Variants in FBXO24 observed in about 807,000 individuals in gnomAD.
FBXO24 encodes F-box only protein 24.
Under a neutral mutation model 63.5 loss-of-function variants are expected in FBXO24, and 30 were observed. The observed-to-expected ratio is 0.47, with a 90% confidence interval of 0.35 to 0.64. The LOEUF (loss-of-function observed/expected upper bound fraction) is 0.64. FBXO24 is among the 30% of genes least tolerant of loss of function. FBXO24 has a pLI of 0.00. For missense variants in FBXO24, 624 were observed against 763.4 expected (o/e 0.82, Z 2.15); for synonymous variants, 300 against 305.0 (o/e 0.98, Z 0.17).
Position 100,594,609 on chromosome 7 carries a change from CACCCTTA to C in FBXO24, c.952+69_952+75del. 1 of 1,416,620 alleles carries C rather than the reference CACCCTTA, an allele frequency of 7.1e-7. No homozygotes were observed. Among genetic ancestry groups the C allele is most frequent in the East Asian group, 2.6e-5 (1 of 38,576 alleles). 87.8% of individuals were successfully genotyped at this position (1,416,620 alleles called of 1,614,324 possible). On this transcript the variant is annotated intron_variant, in intron 6 of 9. Transcript: ENST00000241071. The surrounding 1 kb of genome is among the most constrained non-coding windows in gnomAD (Gnocchi z 4.2). ...AGACCCTCTAAACATCAACACCCTT[CACCCTTA>C]CTCCAGCTGCATGGTGAACCCCTGA...
rs1562824001 is a variant in FBXO24 at position 100,600,708 on chromosome 7, G to A, written c.1552G>A (p.Ala518Thr). ...APQDPGGMAQACEEYLSQIHS... is the reference protein window; with the variant it reads ...APQDPGGMAQTCEEYLSQIHS... Reference sequence around the variant, plus strand: ...CCAGGACCCCGGGGGGATGGCCCAGGCCTGCGAGGAGTACCTCAGCCAGAT... The same window carrying A: ...CCAGGACCCCGGGGGGATGGCCCAGACCTGCGAGGAGTACCTCAGCCAGAT... The change falls in exon 10 of 10, where the codon GCC becomes ACC. Residue 518 changes from alanine to threonine, a missense_variant. Transcript: ENST00000241071. This position sits in a 1 kb window ranked among gnomAD's most constrained non-coding sequence, Gnocchi z 6.3. 1 of 1,614,204 alleles carries A rather than the reference G, an allele frequency of 6.2e-7. No homozygotes were observed. Among genetic ancestry groups the A allele is most frequent in the East Asian group, 2.2e-5 (1 of 44,884 alleles).
intron 5 of FBXO24, 107 bp downstream of exon 5, chr7:100,593,124 C>A: frequency 1.3e-6 from 1 of 795,456 alleles, no homozygotes. Flanking sequence ...CATATGCCAC[C>A]TTATCCTAGT....
At chr7:100,598,966 G>A (rs568617950) in intron 8 of FBXO24, among the ~76,000 whole-genome samples, 13 of 150,694 alleles carry the variant, frequency 8.6e-5, no homozygotes, top group African/African-American at 3.2e-4. Flanking sequence ...GCAACAGAGC[G>A]AGACTCCGTC....
At position 100,601,037 on chromosome 7, in the gene FBXO24, C is replaced by T; in HGVS notation, c.*138C>T. 7.7e-7 allele frequency: 1 copy of T among 1,300,510 alleles called. No individual in the cohort carries two copies. 80.6% of individuals were successfully genotyped at this position (1,300,510 alleles called of 1,614,324 possible). On this transcript the variant is annotated 3_prime_UTR_variant, in exon 10 of 10. Coordinates refer to ENST00000241071, the MANE Select transcript of FBXO24 (RefSeq NM_033506.3). ...GACGGCTAACCAGGGTAAGAATGTT[C>T]AGGGGGCTGCCCAGGAGGGGCCCCC...
chr7:100,587,501 C>G (rs1801814238), intron 1 of FBXO24, among the ~76,000 whole-genome samples: 1 of 151,674 alleles, frequency 6.6e-6, no homozygotes. Flanking sequence ...CGGGGTTTCA[C>G]CGTGTTGCCC....
At chr7:100,589,472 C>A in intron 1 of FBXO24, 1 of 1,279,410 alleles carries the variant, frequency 7.8e-7, no homozygotes. Flanking sequence ...TAGAACTGAG[C>A]TAGAACCCAG....
In FBXO24 at chr7:100,586,550, A is replaced by C; in HGVS notation, c.-76A>C. 6.7e-7 allele frequency: 1 copy of C among 1,499,324 alleles called. No individual in the cohort carries two copies. Among genetic ancestry groups the C allele is most frequent in the Middle Eastern group, 1.7e-4 (1 of 5,838 alleles). 92.9% of individuals were successfully genotyped at this position (1,499,324 alleles called of 1,614,324 possible). ...AGCCAGATACAGGCGAGTGACTGTC[A>C]AGAAGGCCAATTAGAGCCTCCGAAG... On this transcript the variant is annotated 5_prime_UTR_variant, in exon 1 of 10. Coordinates refer to ENST00000241071, the MANE Select transcript of FBXO24 (RefSeq NM_033506.3).
intron 8 of FBXO24, among the ~76,000 whole-genome samples, chr7:100,597,874 TG>T (rs1802386268): frequency 7.1e-6 from 1 of 141,220 alleles, no homozygotes; most frequent in African/African-American, 2.5e-5. Context: ...GATAAGTTTT[TG>T]TTTTTTTTGT....
rs1203280581 is a variant in FBXO24, at chr7:100,595,161, A to G, written c.1012A>G (p.Thr338Ala). 6.2e-7 allele frequency: 1 copy of G among 1,613,594 alleles called. No individual in the cohort carries two copies. ...AGGGGTGTATCGCGATCTCTTTGGG[A>G]CCCTTCAAGCCTTTGACCCCCTGGA... ...TPGVYRDLFG[T>A]LQAFDPLDQQ... Residue 338 changes from threonine (T) to alanine (A), a missense_variant, in exon 7 of 10, where the codon ACC becomes GCC. Transcript: ENST00000241071.
At chr7:100,598,090 A>G (rs1268051164) in intron 8 of FBXO24, among the ~76,000 whole-genome samples, 2 of 151,998 alleles carry the variant, frequency 1.3e-5, no homozygotes, top group African/African-American at 2.4e-5. Flanking sequence ...TGTAATCCCA[A>G]CTACTCAGGA....
Position 100,590,223 on chromosome 7 carries a change from G to A in FBXO24, c.188G>A (p.Gly63Asp). 6.2e-7 allele frequency: 1 copy of A among 1,614,044 alleles called. No individual in the cohort carries two copies. Among genetic ancestry groups the A allele is most frequent in the Non-Finnish European group, 8.5e-7 (1 of 1,179,984 alleles). ...FLPVRDLVAL[G>D]QTCRYFHEVC... ...CCAGTCAGAGACCTTGTTGCCCTCGGCCAGACCTGCCGCTACTTCCACGAA... is the reference window on the plus strand; with the variant it reads ...CCAGTCAGAGACCTTGTTGCCCTCGACCAGACCTGCCGCTACTTCCACGAA... The change falls in exon 3 of 10, where the codon GGC becomes GAC. Residue 63 changes from glycine to aspartate, a missense_variant. Physicochemically the swap from Gly to Asp is moderately conservative, Grantham distance 94 (BLOSUM62 -1). This residue lies in a region of FBXO24 where 391 missense variants were observed against 469.1 expected (regional missense o/e 0.83). Transcript: ENST00000241071.
intron 3 of FBXO24, among the ~76,000 whole-genome samples, chr7:100,591,161 T>C (rs7804342): frequency 6.6e-6 from 1 of 150,608 alleles, no homozygotes; most frequent in Non-Finnish European, 1.5e-5. Flanking sequence ...CTCAGCCTCC[T>C]GAGTAGCTGG....
chr7:100,600,589 C>G lies in FBXO24; in HGVS notation c.1433C>G (p.Ser478Cys). 6.2e-7 allele frequency: 1 copy of G among 1,607,836 alleles called. No individual in the cohort carries two copies. The highest frequency in any genetic ancestry group is 8.5e-7 in the Non-Finnish European group (1 of 1,176,206). ...CATRECLYIL[S>C]SHDIEQHAPY... is the part of the protein sequence containing the mutation. ...ACCAGGGAGTGCCTATACATCCTGT[C>G]CAGCCACGACATTGAGCAGCACGCC... The change falls in exon 10 of 10, where the codon TCC becomes TGC. Residue 478 changes from serine (S) to cysteine (C), a missense_variant. This residue lies in a region of FBXO24 where 216 missense variants were observed against 245.2 expected (regional missense o/e 0.88). Transcript: ENST00000241071. This position sits in a 1 kb window ranked among gnomAD's most constrained non-coding sequence, Gnocchi z 6.3.
In FBXO24 at chr7:100,600,553, C is replaced by G; in HGVS notation, c.1397C>G (p.Ala466Gly). The change falls in exon 10 of 10, where the codon GCC becomes GGC. Residue 466 changes from alanine (A) to glycine (G), a missense_variant. Transcript: ENST00000241071. The surrounding 1 kb of genome is among the most constrained non-coding windows in gnomAD (Gnocchi z 6.3). ...LQVKVPLCAC[A>G]LCATRECLYI... ...TCCAAGGTCCCTCTGTGTGCCTGTG[C>G]CCTCTGTGCCACCAGGGAGTGCCTA... 1 of 1,571,090 alleles carries G rather than the reference C, an allele frequency of 6.4e-7. No homozygotes were observed. Among genetic ancestry groups the G allele is most frequent in the Non-Finnish European group, 8.6e-7 (1 of 1,156,116 alleles).
chr7:100,594,729 T>A lies in FBXO24; in HGVS notation c.952+188T>A, dbSNP rs1319134210. Among the ~76,000 whole-genome samples the A allele has an allele frequency of 6.6e-6, 1 of 152,126 alleles. No homozygotes were observed. Among genetic ancestry groups the A allele is most frequent in the Non-Finnish European group, 1.5e-5 (1 of 68,012 alleles). The stretch of plus-strand genomic sequence containing the variant: ...ACTTTGGGAAACCGAGGCAGGTGAA[T>A]CACCTGAGGTCAGGAGTTCAAGACC... On this transcript the variant is annotated intron_variant, in intron 6 of 9. Coordinates refer to ENST00000241071, the MANE Select transcript of FBXO24 (RefSeq NM_033506.3). The surrounding 1 kb of genome is among the most constrained non-coding windows in gnomAD (Gnocchi z 4.2).
In FBXO24 at chr7:100,591,695, T is replaced by C. The variant is rs781688440; in HGVS notation, c.351T>C (p.Phe117=). ...CGAAGGGCCTGTATTTCCAGGCATT[T>C]GGAGGCCGCCGCCGATGTCTCAGCA... ...NYTKGLYFQA[F]GGRRRCLSKS... The change falls in exon 4 of 10, where the codon TTT becomes TTC. Residue 117 remains phenylalanine (F), a synonymous_variant. Coordinates refer to ENST00000241071, the MANE Select transcript of FBXO24 (RefSeq NM_033506.3). The C allele has an allele frequency of 6.2e-7, 1 of 1,614,220 alleles. No homozygotes were observed. Among genetic ancestry groups the C allele is most frequent in the Non-Finnish European group, 8.5e-7 (1 of 1,180,040 alleles).
At chr7:100,597,040 T>TCAAAA (rs1171460611) in intron 8 of FBXO24, among the ~76,000 whole-genome samples, 1 of 152,094 alleles carries the variant, frequency 6.6e-6, no homozygotes, top group South Asian at 2.1e-4. Flanking sequence ...AGACTCTGTC[T>TCAAAA]CAAAACAAAA....
Position 100,586,615 on chromosome 7 carries a change from C to A in FBXO24, c.-11C>A, listed in dbSNP as rs769129227. ...CCTCTTCTCTGAGGGACGGCTCTAC[C>A]TACCAATAGCATGGGCGAGAAGGCG... On this transcript the variant is annotated 5_prime_UTR_variant, in exon 1 of 10. Transcript: ENST00000241071. 7 of 1,614,220 alleles carry A rather than the reference C, an allele frequency of 4.3e-6. No individual in the cohort carries two copies. Among genetic ancestry groups the A allele is most frequent in the Admixed American group, 1.7e-5 (1 of 60,032 alleles).
At chr7:100,589,551 C>A in intron 1 of FBXO24, 1 of 1,416,358 alleles carries the variant, frequency 7.1e-7, no homozygotes, top group Non-Finnish European at 9.3e-7. Context: ...ACAGTGAGGT[C>A]ACAGAGAGGT....
Sources: allele counts gnomAD v4.1 joint callset (sites outside exome capture counted in the v4.1 genomes callset), GRCh38; gene constraint gnomAD v4.1.1; regional missense constraint gnomAD v4.1.1; non-coding constraint Gnocchi (gnomAD v3.1); transcripts MANE v1.5; gene names NCBI Gene and HGNC (gene_info 2026-07-23, HGNC 2026-07-21).